The following OSGEPL1 variants were observed in gnomAD, a reference collection of about 807,000 sequenced individuals.
OSGEPL1 encodes the protein O-sialoglycoprotein endopeptidase like 1.
In OSGEPL1, 26 loss-of-function variants were observed where a neutral mutation model predicts 37.2. That is an observed-to-expected ratio of 0.70 (90% confidence interval 0.51 to 0.97). The LOEUF (loss-of-function observed/expected upper bound fraction) is 0.97, where lower values mean the gene tolerates loss of function less well. OSGEPL1 is among the 50% of genes least tolerant of loss of function. The pLI is 0.00. For missense variants in OSGEPL1, 404 were observed against 487.0 expected (o/e 0.83, Z 1.60); for synonymous variants, 140 against 159.9 (o/e 0.88, Z 0.94).
chr2:189,755,380 C>A lies in OSGEPL1; in HGVS notation c.402G>T (p.Leu134=). Residue 134 remains leucine (L), a synonymous_variant, in exon 3 of 9, where the codon CTG becomes CTT. Transcript: ENST00000264151. ...LGVGLSFSLQ[L]VGQLKKPFIP... ...TGAATGGCTTTTTTAACTGTCCTACCAGCTGTAAGCTAAATGATAAGCCCA... is the reference window on the plus strand; with the variant it reads ...TGAATGGCTTTTTTAACTGTCCTACAAGCTGTAAGCTAAATGATAAGCCCA... 6.2e-7 allele frequency: 1 copy of A among 1,613,268 alleles called. No individual in the cohort carries two copies. The highest frequency in any genetic ancestry group is 8.5e-7 in the Non-Finnish European group (1 of 1,179,658).
At position 189,754,084 on chromosome 2, in the gene OSGEPL1, T is replaced by C. The variant is rs765848553; in HGVS notation, c.815-20A>G. 1.9e-6 allele frequency: 3 copies of C among 1,611,892 alleles called. No individual in the cohort carries two copies. Among genetic ancestry groups the C allele is most frequent in the South Asian group, 2.2e-5 (2 of 90,956 alleles). On this transcript the variant is annotated intron_variant, in intron 4 of 8. Transcript: ENST00000264151. ...CAATACCTGCAGAAATGAGCAGCTA[T>C]TTTTAGGCACAATCCAGGAATATTT...
chr2:189,747,936 T>C (rs1484944370), intron 8 of OSGEPL1, among the ~76,000 whole-genome samples: 1 of 152,160 alleles, frequency 6.6e-6, no homozygotes, highest in Non-Finnish European at 1.5e-5. Flanking sequence ...TCCGCCTACC[T>C]TGGCCTCCCA....
intron 2 of OSGEPL1, 42 bp from the exon 3 acceptor site, chr2:189,755,602 A>C: frequency 6.5e-7 from 1 of 1,543,340 alleles, no homozygotes; most frequent in Non-Finnish European, 8.7e-7. Context: ...TTAAGATTGT[A>C]AAAATGAAGA....
upstream of OSGEPL1, chr2:189,763,104 G>C: frequency 2.0e-6 from 2 of 985,188 alleles, no homozygotes; most frequent in Non-Finnish European, 2.4e-6. Flanking sequence ...GGATGGGGTA[G>C]ATTATTCGTC....
intron 7 of OSGEPL1, among the ~76,000 whole-genome samples, chr2:189,751,908 G>A (rs1385402391): frequency 6.6e-6 from 1 of 151,710 alleles, no homozygotes; most frequent in Non-Finnish European, 1.5e-5. Context: ...CATTTTGGGA[G>A]GCCGAGGTGG....
intron 2 of OSGEPL1, among the ~76,000 whole-genome samples, chr2:189,758,039 C>T (rs911629353): frequency 6.6e-6 from 1 of 152,080 alleles, no homozygotes; most frequent in Non-Finnish European, 1.5e-5. Context: ...GCGTATTTTC[C>T]CCTTGGTACT....
chr2:189,750,508 A>T, intron 8 of OSGEPL1, 42 bp downstream of exon 8: 1 of 764,450 alleles, frequency 1.3e-6, no homozygotes, highest in Non-Finnish European at 2.2e-6. Flanking sequence ...CTACAATTTG[A>T]TACACAAAAC....
intron 2 of OSGEPL1, among the ~76,000 whole-genome samples, chr2:189,757,976 G>C (rs2046331423): frequency 6.6e-6 from 1 of 152,168 alleles, no homozygotes. Flanking sequence ...ATGTAGAATG[G>C]TAATTCCCAA....
At position 189,754,245 on chromosome 2, in the gene OSGEPL1, A is replaced by C. The variant is rs923450772; in HGVS notation, c.710T>G (p.Phe237Cys). 1 of 1,613,794 alleles carries C rather than the reference A, an allele frequency of 6.2e-7. No individual in the cohort carries two copies. The highest frequency in any genetic ancestry group is 8.5e-7 in the Non-Finnish European group (1 of 1,179,828). Residue 237 changes from phenylalanine to cysteine, a missense_variant, in exon 4 of 9, where the codon TTT becomes TGT. Transcript: ENST00000264151. ...ATGATGCAAGGGAGGTTTGATGTCA[A>C]AATGAAATCTATTTCCTTGTTTGGC... ...HLAKQGNRFH[F>C]DIKPPLHHAK...
intron 2 of OSGEPL1, among the ~76,000 whole-genome samples, chr2:189,758,692 T>C (rs1041862639): frequency 1.3e-5 from 2 of 152,260 alleles, no homozygotes; most frequent in Non-Finnish European, 2.9e-5. Context: ...ACCTGTGATG[T>C]GTCAAACATT....
At chr2:189,759,131 C>T (rs1177015837) in intron 2 of OSGEPL1, among the ~76,000 whole-genome samples, 1 of 152,202 alleles carries the variant, frequency 6.6e-6, no homozygotes, top group East Asian at 1.9e-4. Context: ...CTTCACAGTG[C>T]CTTACTAATA....
chr2:189,758,172 C>T (rs1028703625), intron 2 of OSGEPL1, among the ~76,000 whole-genome samples: 3 of 152,028 alleles, frequency 2.0e-5, no homozygotes, highest in Non-Finnish European at 2.9e-5. Flanking sequence ...CACTTGAGGT[C>T]GGGAGTTCGA....
intron 2 of OSGEPL1, among the ~76,000 whole-genome samples, chr2:189,758,768 A>C (rs2046482645): frequency 6.6e-6 from 1 of 152,186 alleles, no homozygotes. Context: ...TGGCACTTAG[A>C]CTCTACTGAG....
At position 189,754,194 on chromosome 2, in the gene OSGEPL1, G is replaced by A. The variant is rs910514191; in HGVS notation, c.761C>T (p.Thr254Ile). Residue 254 changes from threonine to isoleucine, a missense_variant, in exon 4 of 9, where the codon ACT (threonine) becomes ATT (isoleucine). Coordinates refer to ENST00000264151, the MANE Select transcript of OSGEPL1 (RefSeq NM_022353.3). ...TTTATCAGTAACGTGTTGAAGTCCAGTAAAAGAAAAATCACAATTTTTAGC... is the reference window on the plus strand; with the variant it reads ...TTTATCAGTAACGTGTTGAAGTCCAATAAAAGAAAAATCACAATTTTTAGC... ...HHAKNCDFSF[T>I]GLQHVTDKII... 1.2e-6 allele frequency: 2 copies of A among 1,613,758 alleles called. No individual in the cohort carries two copies. The highest frequency in any genetic ancestry group is 1.7e-6 in the Non-Finnish European group (2 of 1,179,768).
chr2:189,759,151 G>A (rs944182210), intron 2 of OSGEPL1, among the ~76,000 whole-genome samples: 15 of 152,022 alleles, frequency 9.9e-5, no homozygotes, highest in Non-Finnish European at 1.9e-4. Context: ...ATCCAACACA[G>A]TCCCTTTCAC....
In OSGEPL1 at chr2:189,755,019, CTCTT is replaced by C. The variant is rs146366878; in HGVS notation, c.609+150_609+153del. ...CTAAGAATTATAAAATTGTGTACTA[CTCTT>C]TCTATTTTTTCTCACCATATGTGAA... On this transcript the variant is annotated intron_variant, in intron 3 of 8. Coordinates refer to ENST00000264151, the MANE Select transcript of OSGEPL1 (RefSeq NM_022353.3). 9.4e-3 allele frequency: 7,805 copies of C among 829,750 alleles called. 54 individuals are homozygous for C. The highest frequency in any genetic ancestry group is 0.012 in the Non-Finnish European group (6,850 of 552,832). The allele number at this position is 829,750 out of a possible 1,614,324, so 51.4% of individuals were successfully genotyped here. A position where few individuals can be genotyped will look rare whatever the true frequency, so the allele number is the denominator to read the frequency against.
At chr2:189,753,878 A>G in intron 5 of OSGEPL1, 38 bp downstream of exon 5, 1 of 1,601,558 alleles carries the variant, frequency 6.2e-7, no homozygotes, top group Non-Finnish European at 8.5e-7. Flanking sequence ...AACATATTGC[A>G]AAGTGTAACT....
intron 8 of OSGEPL1, among the ~76,000 whole-genome samples, chr2:189,749,690 A>T (rs1356800811): frequency 1.3e-5 from 2 of 150,724 alleles, no homozygotes; most frequent in Non-Finnish European, 3.0e-5. Flanking sequence ...GTAAAACCTC[A>T]AATTATATAG....
intron 8 of OSGEPL1, among the ~76,000 whole-genome samples, chr2:189,749,561 A>G (rs2044775329): frequency 6.6e-6 from 1 of 152,202 alleles, no homozygotes; most frequent in Non-Finnish European, 1.5e-5. Flanking sequence ...AAAATCCAAA[A>G]AAACTCCCTC....
Sources: gnomAD v4.1 joint callset for allele counts (sites outside exome capture counted in the v4.1 genomes callset) on GRCh38, gnomAD v4.1.1 for gene constraint, MANE v1.5 for transcripts, NCBI Gene and HGNC (gene_info 2026-07-23, HGNC 2026-07-21) for gene names.